MXD3: variants seen among roughly 807,000 people sequenced by gnomAD.
The protein encoded by MXD3 is MAX dimerization protein 3.
In MXD3, 20 loss-of-function variants were observed where a neutral mutation model predicts 27.5. The ratio of observed to expected loss-of-function variants is 0.73; its 90% CI spans 0.51 to 1.06. MXD3 has a LOEUF of 1.06. Among genes scored for constraint, MXD3 ranks in the 50% least tolerant of loss-of-function variants. The pLI, the probability that MXD3 is intolerant of heterozygous loss-of-function variation, is 0.00. For missense variants in MXD3, 298 were observed against 291.3 expected (o/e 1.02, Z -0.17); for synonymous variants, 150 against 130.7 (o/e 1.15, Z -1.01).
In MXD3 at chr5:177,311,413, G is replaced by C. The variant is rs760299851; in HGVS notation, c.142C>G (p.Pro48Ala). 7 of 1,441,740 alleles carry C rather than the reference G, an allele frequency of 4.9e-6. No individual in the cohort carries two copies. The African/African-American group carries it at 9.1e-5, about 19-fold the overall frequency. The allele number at this position is 1,441,740 out of a possible 1,614,324, so 89.3% of individuals were successfully genotyped here. ...PGPIHRRKKRPPQAPGAQDSG... is the reference protein window; with the variant it reads ...PGPIHRRKKRAPQAPGAQDSG... ...TCCTGCGCGCCAGGAGCCTGGGGGGGTCGCTTCTTCCTCCTGTGGATGGGG... is the reference window on the plus strand; with the variant it reads ...TCCTGCGCGCCAGGAGCCTGGGGGGCTCGCTTCTTCCTCCTGTGGATGGGG... Residue 48 changes from proline to alanine, a missense_variant, in exon 2 of 6, where the codon CCC becomes GCC. Coordinates refer to ENST00000439742, the MANE Select transcript of MXD3 (RefSeq NM_031300.4).
At chr5:177,311,909 T>C (rs1210374191), upstream of MXD3, 2 of 1,515,896 alleles carry the variant, frequency 1.3e-6, no homozygotes, top group African/African-American at 1.4e-5. Flanking sequence ...ACAAAGTAAC[T>C]GACACGGTGC....
In MXD3 at chr5:177,307,539, G is replaced by A. The variant is rs951440390; in HGVS notation, c.*49C>T. The A allele has an allele frequency of 1.3e-6, 2 of 1,596,154 alleles. No individual in the cohort carries two copies. Among genetic ancestry groups the A allele is most frequent in the African/African-American group, 2.7e-5 (2 of 74,560 alleles). On this transcript the variant is annotated 3_prime_UTR_variant, in exon 6 of 6. Transcript: ENST00000439742. ...CTTGGGGAGGGCTCCTGCCTGGCAA[G>A]TGGGCCTGGCACGAGTAGAGGGCAG...
At chr5:177,310,578 C>T (rs2127302775) in intron 3 of MXD3, 38 bp from the exon 4 acceptor site, 1 of 1,612,184 alleles carries the variant, frequency 6.2e-7, no homozygotes, top group South Asian at 1.1e-5. Flanking sequence ...GCCAGCCCCA[C>T]CTTGCCGGCC....
rs1761014218 is a variant in MXD3, at chr5:177,310,700, G to A, written c.177-3C>T. ...TCTCCAGTTCATTGTGCACTGACCT[G>A]CCAATGCCAGAGAGGATGAGGTGAA... On this transcript the variant is annotated splice_region_variant and splice_polypyrimidine_tract_variant and intron_variant, in intron 2 of 5. Coordinates refer to ENST00000439742, the MANE Select transcript of MXD3 (RefSeq NM_031300.4). 1 of 1,614,064 alleles carries A rather than the reference G, an allele frequency of 6.2e-7. No individual in the cohort carries two copies. Among genetic ancestry groups the A allele is most frequent in the Non-Finnish European group, 8.5e-7 (1 of 1,180,020 alleles).
chr5:177,305,717 C>G (rs1239108339), downstream of MXD3: 8 of 655,312 alleles, frequency 1.2e-5, no homozygotes, highest in African/African-American at 3.6e-5. Context: ...TTTATGGCTT[C>G]TTGTTCTGTC....
rs917343333 is a variant in MXD3 at position 177,307,279 on chromosome 5, G to T, written c.*309C>A. ...GGCAAAGGCAGGGGGCCTTGTCCAG[G>T]AAGGGAAGAGGCCCAAGAGGCTTCC... On this transcript the variant is annotated 3_prime_UTR_variant, in exon 6 of 6. Transcript: ENST00000439742. 6.4e-7 allele frequency: 1 copy of T among 1,551,230 alleles called. No individual in the cohort carries two copies. Among genetic ancestry groups the T allele is most frequent in the South Asian group, 1.2e-5 (1 of 84,024 alleles).
chr5:177,310,513 C>T lies in MXD3; in HGVS notation c.234G>A (p.Glu78=), dbSNP rs777623347. 6.2e-7 allele frequency: 1 copy of T among 1,612,210 alleles called. No individual in the cohort carries two copies. Among genetic ancestry groups the T allele is most frequent in the East Asian group, 2.2e-5 (1 of 44,814 alleles). The change falls in exon 4 of 6, where the codon GAG becomes GAA. Residue 78 remains glutamate, a synonymous_variant. Transcript: ENST00000439742. ...RRRAQLKRCL[E]RLKQQMPLGA... is the part of the protein sequence containing the mutation. Reference sequence around the variant, plus strand: ...CCAGGGGCATCTGCTGCTTCAGCCGCTCCAGGCACCGCTTCAACTGGGCCC... The same window carrying T: ...CCAGGGGCATCTGCTGCTTCAGCCGTTCCAGGCACCGCTTCAACTGGGCCC...
downstream of MXD3, chr5:177,305,965 G>A (rs996769379): frequency 6.2e-7 from 1 of 1,613,974 alleles, no homozygotes; most frequent in African/African-American, 1.3e-5. Context: ...AGCTTATTTG[G>A]TGTCTCCAGA....
upstream of MXD3, chr5:177,312,210 GC>G: frequency 1.0e-6 from 1 of 1,003,590 alleles, no homozygotes; most frequent in Non-Finnish European, 1.2e-6. Context: ...CTAGTGACTA[GC>G]CCCCAACATA....
upstream of MXD3, chr5:177,312,369 T>G (rs76828866): frequency 6.9e-4 from 678 of 985,320 alleles, 11 homozygotes; most frequent in East Asian, 0.024. Flanking sequence ...CGGGGCGGGG[T>G]CGGGGAGCCT....
chr5:177,307,741 C>G (rs1314545940), intron 5 of MXD3, 38 bp from the exon 6 acceptor site: 2 of 1,613,122 alleles, frequency 1.2e-6, no homozygotes, highest in African/African-American at 2.7e-5. Flanking sequence ...ACCTGGCTCG[C>G]CCCGAGGGCC....
chr5:177,307,129 G>C (rs1489575104), downstream of MXD3: 1 of 1,529,704 alleles, frequency 6.5e-7, no homozygotes, highest in Non-Finnish European at 8.8e-7. Context: ...TCAGTGATGG[G>C]AACTGATATT....
intron 2 of MXD3, 33 bp downstream of exon 2, chr5:177,311,346 C>T (rs1005844017): frequency 7.3e-7 from 1 of 1,365,204 alleles, no homozygotes. Context: ...CGCCCACCCC[C>T]ACCCCCACTC....
At chr5:177,306,411 G>C (rs748681104), downstream of MXD3, 2 of 1,613,938 alleles carry the variant, frequency 1.2e-6, no homozygotes, top group Middle Eastern at 1.7e-4. Context: ...GCCACCTGCC[G>C]TTCGCGACAG....
chr5:177,312,665 C>T (rs1417985062), upstream of MXD3: 2 of 985,354 alleles, frequency 2.0e-6, no homozygotes, highest in East Asian at 1.1e-4. Context: ...CCCTCCTCTT[C>T]TGTGAGGAAG....
chr5:177,311,670 G>A, intron 1 of MXD3, 91 bp downstream of exon 1: 1 of 1,378,228 alleles, frequency 7.3e-7, no homozygotes, highest in Non-Finnish European at 9.9e-7. Context: ...CTGTCCTAGG[G>A]CGGTGCATCC....
chr5:177,311,352 C>G (rs1388941140), intron 2 of MXD3, 27 bp downstream of exon 2: 4 of 1,403,748 alleles, frequency 2.8e-6, no homozygotes, highest in Non-Finnish European at 2.8e-6. Context: ...CCCCCACCCC[C>G]ACTCCCGCCG....
In MXD3 at chr5:177,307,466, G is replaced by C. The variant is rs1488592736; in HGVS notation, c.*122C>G. On this transcript the variant is annotated 3_prime_UTR_variant, in exon 6 of 6. Coordinates refer to ENST00000439742, the MANE Select transcript of MXD3 (RefSeq NM_031300.4). ...TTGGGGAGCACCTGTTCCCACACAA[G>C]GGTCCTTTTAGTCCATTCCAACAGG... 1 of 1,533,874 alleles carries C rather than the reference G, an allele frequency of 6.5e-7. No homozygotes were observed. Among genetic ancestry groups the C allele is most frequent in the Non-Finnish European group, 8.8e-7 (1 of 1,140,602 alleles).
Position 177,310,447 on chromosome 5 carries a change from G to C in MXD3, c.300C>G (p.Arg100=), listed in dbSNP as rs777448307. The change falls in exon 4 of 6, where the codon CGC becomes CGG. Residue 100 remains arginine, a synonymous_variant. Transcript: ENST00000439742. ...CARYTTLSLL[R]RARMHIQKLE... ...TCACCTGGATGTGCATCCTGGCACG[G>C]CGCAGCAGGCTCAGCGTGGTGTACC... 1 of 1,612,466 alleles carries C rather than the reference G, an allele frequency of 6.2e-7. No homozygotes were observed. Among genetic ancestry groups the C allele is most frequent in the Admixed American group, 1.7e-5 (1 of 59,936 alleles).
Sources: allele counts gnomAD v4.1 joint callset, GRCh38; gene constraint gnomAD v4.1.1; transcripts MANE v1.5; gene names NCBI Gene and HGNC (gene_info 2026-07-23, HGNC 2026-07-21).